Variants in ADD2 observed in about 807,000 individuals in gnomAD.
The protein encoded by ADD2 is beta-adducin.
Under a neutral mutation model 83.0 loss-of-function variants are expected in ADD2, and 23 were observed. The ratio of observed to expected loss-of-function variants is 0.28; its 90% confidence interval spans 0.20 to 0.39. The LOEUF is 0.39. Among genes scored for constraint, ADD2 ranks in the 10% least tolerant of loss-of-function variants. The pLI is 1.00. For synonymous variants in ADD2, 375 were observed against 375.4 expected (o/e 1.00, Z 0.01); for missense variants, 758 against 944.9 (o/e 0.80, Z 2.59).
At chr2:70,751,036 G>A (rs1255195116) in intron 1 of ADD2, among the ~76,000 whole-genome samples, 1 of 152,186 alleles carries the variant, frequency 6.6e-6, no homozygotes, top group African/African-American at 2.4e-5. Flanking sequence ...GGGAGACGCT[G>A]ACATTTGAAT....
At chr2:70,687,988 C>T (rs782248725) in intron 9 of ADD2, 36 bp downstream of exon 9, 2 of 1,558,508 alleles carry the variant, frequency 1.3e-6, no homozygotes, top group South Asian at 1.1e-5. Flanking sequence ...TGTCAGAGCC[C>T]ACTCCTGGGC....
intron 8 of ADD2, among the ~76,000 whole-genome samples, chr2:70,689,578 T>C (rs560357661): frequency 6.6e-6 from 1 of 152,324 alleles, no homozygotes; most frequent in Admixed American, 6.5e-5. Context: ...ATTTCATCCC[T>C]CTCCCCACAC....
intron 1 of ADD2, among the ~76,000 whole-genome samples, chr2:70,751,968 A>G (rs1392628129): frequency 1.3e-5 from 2 of 152,250 alleles, no homozygotes; most frequent in African/African-American, 4.8e-5. Flanking sequence ...CACACAAGAC[A>G]CAATGTTTCA....
chr2:70,724,421 C>T (rs1468336930), intron 1 of ADD2, among the ~76,000 whole-genome samples: 20 of 152,212 alleles, frequency 1.3e-4, no homozygotes, highest in Non-Finnish European at 5.9e-5. Context: ...GGCTCAGCTG[C>T]CAGCTTCCTA....
intron 10 of ADD2, 93 bp from the exon 11 acceptor site, chr2:70,679,054 A>C: frequency 7.0e-7 from 1 of 1,430,508 alleles, no homozygotes; most frequent in Non-Finnish European, 9.4e-7. Flanking sequence ...CCGTCTGCTT[A>C]AAGGACTCTT....
At chr2:70,697,123 G>A (rs1241146762) in intron 4 of ADD2, among the ~76,000 whole-genome samples, 1 of 152,150 alleles carries the variant, frequency 6.6e-6, no homozygotes, top group East Asian at 1.9e-4. Flanking sequence ...ACGCCAGCCT[G>A]GGGACAGAGC....
At chr2:70,721,725 A>G (rs1553377417) in intron 1 of ADD2, among the ~76,000 whole-genome samples, 1 of 152,252 alleles carries the variant, frequency 6.6e-6, no homozygotes, top group Non-Finnish European at 1.5e-5. Context: ...ATGAACAAAG[A>G]AATTACCTTA....
intron 1 of ADD2, among the ~76,000 whole-genome samples, chr2:70,717,342 G>A (rs1193868724): frequency 6.6e-6 from 1 of 152,146 alleles, no homozygotes; most frequent in Non-Finnish European, 1.5e-5. Flanking sequence ...AGAAACAAAA[G>A]GTCTACAAGG....
intron 4 of ADD2, among the ~76,000 whole-genome samples, chr2:70,701,649 TAA>T (rs1338741483): frequency 2.6e-5 from 4 of 152,052 alleles, no homozygotes; most frequent in African/African-American, 4.8e-5. Flanking sequence ...AAAATTTAAA[TAA>T]GAGTTCAATA....
Position 70,678,767 on chromosome 2 carries a change from G to A in ADD2, c.1320C>T (p.Tyr440=). The A allele has an allele frequency of 5.6e-6, 9 of 1,611,888 alleles. No homozygotes were observed. Among genetic ancestry groups the A allele is most frequent in the Non-Finnish European group, 7.6e-6 (9 of 1,178,832 alleles). The change falls in exon 11 of 16, where the codon TAC becomes TAT. Residue 440 remains tyrosine (Y), a synonymous_variant. Transcript: ENST00000264436. ...KTRWLNTPNT[Y]LRVNVADEVQ... ...CCTCATCGGCCACATTGACCCGCAG[G>A]TAGGTGTTGGGCGTATTGAGCCAGC...
At chr2:70,672,686 A>G (rs1333964662) in intron 15 of ADD2, among the ~76,000 whole-genome samples, 192 bp downstream of exon 15, 1 of 152,230 alleles carries the variant, frequency 6.6e-6, no homozygotes, top group Non-Finnish European at 1.5e-5. Context: ...ACTGGGTTTA[A>G]GCTGCAAGGT....
At position 70,704,337 on chromosome 2, in the gene ADD2, G is replaced by C; in HGVS notation, c.306C>G (p.Phe102Leu). 1.2e-6 allele frequency: 2 copies of C among 1,613,428 alleles called. No homozygotes were observed. Among genetic ancestry groups the C allele is most frequent in the Non-Finnish European group, 1.7e-6 (2 of 1,179,836 alleles). ...ACCACATACTCATGGAAGATGTCGG[G>C]AAGACTGCGTGGGAGGTGCTGGCCA... ...DFMASTSHAV[F>L]PTSSMNVSMM... is the part of the protein sequence containing the mutation. The change falls in exon 4 of 16, where the codon TTC becomes TTG. Residue 102 changes from phenylalanine to leucine, a missense_variant. By Grantham distance (22) the Phe-to-Leu change is conservative. Coordinates refer to ENST00000264436, the MANE Select transcript of ADD2 (RefSeq NM_001617.4).
chr2:70,734,951 T>C (rs1414718429), intron 1 of ADD2, among the ~76,000 whole-genome samples: 1 of 152,226 alleles, frequency 6.6e-6, no homozygotes, highest in Non-Finnish European at 1.5e-5. Context: ...CTAGTGAGGA[T>C]TTGTCTTCAT....
chr2:70,762,086 G>A (rs918706679), intron 1 of ADD2, among the ~76,000 whole-genome samples: 1 of 151,448 alleles, frequency 6.6e-6, no homozygotes, highest in Non-Finnish European at 1.5e-5. Context: ...GAAAGGGGGT[G>A]GAAAAATAGC....
At chr2:70,717,482 G>C (rs552470893) in intron 1 of ADD2, among the ~76,000 whole-genome samples, 1 of 152,162 alleles carries the variant, frequency 6.6e-6, no homozygotes, top group Non-Finnish European at 1.5e-5. Context: ...CAGACAGTCT[G>C]TGTGGCTCAG....
In ADD2 at chr2:70,696,404, G is replaced by T. The variant is rs782531777; in HGVS notation, c.323-8C>A. The T allele has an allele frequency of 5.4e-5, 87 of 1,613,974 alleles. No individual in the cohort carries two copies. The South Asian group carries it at 9.4e-4, about 18-fold the overall frequency. ...GCGTCATCATGGAGACATCTGCAGGGACAGTGCAGTTCTCTCAGGGCCAGG... is the reference window on the plus strand; with the variant it reads ...GCGTCATCATGGAGACATCTGCAGGTACAGTGCAGTTCTCTCAGGGCCAGG... On this transcript the variant is annotated splice_region_variant and splice_polypyrimidine_tract_variant and intron_variant, in intron 4 of 15. Transcript: ENST00000264436.
At position 70,676,472 on chromosome 2, in the gene ADD2, G is replaced by A. The variant is rs932301942; in HGVS notation, c.1593+324C>T. The A allele has an allele frequency of 3.8e-6, 5 of 1,300,192 alleles. No individual in the cohort carries two copies. In the South Asian group the frequency reaches 9.9e-5, roughly 26 times the overall value. The allele number at this position is 1,300,192 out of a possible 1,614,324, so 80.5% of individuals were successfully genotyped here. ...TGGGAGTCTCCAGCCCCAAGCCTATGAGTCCCCACTTCACGGGGTAGTAAG... is the reference window on the plus strand; with the variant it reads ...TGGGAGTCTCCAGCCCCAAGCCTATAAGTCCCCACTTCACGGGGTAGTAAG... On this transcript the variant is annotated intron_variant, in intron 13 of 15. Transcript: ENST00000264436. This position sits in a 1 kb window ranked among gnomAD's most constrained non-coding sequence, Gnocchi z 4.8.
chr2:70,745,643 T>C (rs1170210411), intron 1 of ADD2, among the ~76,000 whole-genome samples: 4 of 152,170 alleles, frequency 2.6e-5, no homozygotes, highest in Non-Finnish European at 5.9e-5. Context: ...CCAAAAACCC[T>C]CCCAGGAGAG....
intron 3 of ADD2, among the ~76,000 whole-genome samples, chr2:70,705,407 C>T (rs868939872): frequency 5.6e-5 from 7 of 123,966 alleles, no homozygotes; most frequent in South Asian, 2.4e-4. Context: ...CAAGGCAGAG[C>T]GGCTCCCATC....
Sources: allele counts gnomAD v4.1 joint callset (sites outside exome capture counted in the v4.1 genomes callset), GRCh38; gene constraint gnomAD v4.1.1; non-coding constraint Gnocchi (gnomAD v3.1); transcripts MANE v1.5; gene names NCBI Gene and HGNC (gene_info 2026-07-23, HGNC 2026-07-21).